Variants in GDAP1 observed in about 807,000 individuals in gnomAD.
GDAP1 encodes ganglioside-induced differentiation-associated protein 1.
A neutral mutation model predicts 40.1 loss-of-function variants in GDAP1; 34 were observed. The ratio of observed to expected loss-of-function variants is 0.85; its 90% CI spans 0.64 to 1.13. The LOEUF (loss-of-function observed/expected upper bound fraction) is 1.13, where lower values mean the gene tolerates loss of function less well. GDAP1 is among the 50% of genes most tolerant of loss of function. The probability of loss-of-function intolerance (pLI) is 0.00; values close to 1 mark genes in which losing one functional copy is unlikely to be tolerated. For missense variants in GDAP1, 374 were observed against 433.7 expected (o/e 0.86, Z 1.22); for synonymous variants, 170 against 157.4 (o/e 1.08, Z -0.60).
intron 2 of GDAP1, among the ~76,000 whole-genome samples, chr8:74,413,089 G>A (rs75241181): frequency 0.024 from 1,122 of 47,594 alleles, no homozygotes; most frequent in Middle Eastern, 0.047. Flanking sequence ...AAAAAAAAAA[G>A]ATTTCTGAAG....
chr8:74,432,174 G>A (rs747213128), intron 2 of GDAP1, among the ~76,000 whole-genome samples: 3 of 152,162 alleles, frequency 2.0e-5, no homozygotes, highest in Non-Finnish European at 4.4e-5. Context: ...TTTGGAGGGT[G>A]CATAACTCAC....
At chr8:74,412,861 A>G (rs1805731333) in intron 2 of GDAP1, among the ~76,000 whole-genome samples, 1 of 148,266 alleles carries the variant, frequency 6.7e-6, no homozygotes, top group African/African-American at 2.6e-5. Context: ...GATTGAGACC[A>G]TACTGGCTAA....
chr8:74,470,655 G>T (rs1037722260), intron 2 of GDAP1, among the ~76,000 whole-genome samples: 1 of 152,160 alleles, frequency 6.6e-6, no homozygotes, highest in African/African-American at 2.4e-5. Context: ...GTCTATCATT[G>T]TTGGACATTT....
intron 2 of GDAP1, among the ~76,000 whole-genome samples, chr8:74,458,052 A>G (rs1043819884): frequency 8.5e-5 from 13 of 152,078 alleles, no homozygotes; most frequent in African/African-American, 3.1e-4. Context: ...AGTTGCTATC[A>G]TTACCCCTAA....
chr8:74,480,480 C>T lies in GDAP1; in HGVS notation c.166-8198C>T, dbSNP rs115629548. On this transcript the variant is annotated intron_variant, in intron 2 of 2. Transcript: ENST00000523640. ...AATATTGGTTGCACAGGCAGAGAAA[C>T]GTTAAGCATCATTTGCTTTTGGCAA... is the stretch of plus-strand genomic sequence containing the variant. Among the ~76,000 whole-genome samples the T allele has an allele frequency of 1.5e-3, 231 of 152,242 alleles. 1 individual carries two copies. Among genetic ancestry groups the T allele is most frequent in the African/African-American group, 5.2e-3 (218 of 41,542 alleles).
At chr8:74,381,049 G>A (rs1280773826) in intron 2 of GDAP1, among the ~76,000 whole-genome samples, 1 of 151,156 alleles carries the variant, frequency 6.6e-6, no homozygotes, top group East Asian at 2.0e-4. Context: ...TACCAAGGGG[G>A]ATGAAGAAAT....
intron 2 of GDAP1, among the ~76,000 whole-genome samples, chr8:74,422,727 A>AT (rs1805894302): frequency 6.6e-6 from 1 of 151,772 alleles, no homozygotes; most frequent in Non-Finnish European, 1.5e-5. Context: ...AAACCCCTTT[A>AT]TTCTTTATTT....
Position 74,484,753 on chromosome 8 carries a change from T to C in GDAP1, c.166-3925T>C, listed in dbSNP as rs546662884. ...TGGTTCTGCTGCATTCTGCTTGTTA[T>C]TTCTGTGAGGCAAATCTTATTTTTC... is the stretch of plus-strand genomic sequence containing the variant. On this transcript the variant is annotated intron_variant, in intron 2 of 2. Transcript: ENST00000523640. 2.6e-5 allele frequency among the ~76,000 whole-genome samples: 4 copies of C among 152,250 alleles called. No homozygotes were observed. In the South Asian group the frequency reaches 8.3e-4, roughly 32 times the overall value.
chr8:74,365,920 A>G lies in GDAP1; in HGVS notation c.*1553A>G, dbSNP rs962915267. On this transcript the variant is annotated 3_prime_UTR_variant, in exon 6 of 6. Transcript: ENST00000220822. Reference sequence around the variant, plus strand: ...TCTGAATCTGTTGCTGGGACATACCAATCCATGTATTCATTAGAGCCATAG... The same window carrying G: ...TCTGAATCTGTTGCTGGGACATACCGATCCATGTATTCATTAGAGCCATAG... 2.0e-5 allele frequency: 9 copies of G among 453,818 alleles called. No homozygotes were observed. Among genetic ancestry groups the G allele is most frequent in the Admixed American group, 1.2e-4 (5 of 42,496 alleles). 28.1% of individuals were successfully genotyped at this position (453,818 alleles called of 1,614,324 possible).
rs1236508750 is a variant in GDAP1, at chr8:74,351,318, T to C, written c.162T>C (p.His54=). 3.1e-6 allele frequency: 5 copies of C among 1,614,072 alleles called. No individual in the cohort carries two copies. Among genetic ancestry groups the C allele is most frequent in the Non-Finnish European group, 4.2e-6 (5 of 1,180,006 alleles). ...AAAAGGCATTGAAGTGCGAGGAACA[T>C]GATGTAAGTCTGCCCTTGAGTGAGC... is the stretch of plus-strand genomic sequence containing the variant. ...IAEKALKCEE[H]DVSLPLSEHN... is the part of the protein sequence containing the mutation. Residue 54 remains histidine (H), a synonymous_variant, in exon 2 of 6, where the codon CAT becomes CAC. Coordinates refer to ENST00000220822, the MANE Select transcript of GDAP1 (RefSeq NM_018972.4).
At chr8:74,435,851 A>C (rs566983050) in intron 2 of GDAP1, among the ~76,000 whole-genome samples, 2 of 152,356 alleles carry the variant, frequency 1.3e-5, no homozygotes, top group South Asian at 4.1e-4. Flanking sequence ...AAATATTTTT[A>C]GACCTTGAGA....
intron 2 of GDAP1, among the ~76,000 whole-genome samples, chr8:74,404,402 A>G (rs1805610377): frequency 6.7e-6 from 1 of 149,594 alleles, no homozygotes; most frequent in Middle Eastern, 3.4e-3. Flanking sequence ...GTGCCGGGCC[A>G]TTTATATGAA....
chr8:74,484,745 G>A (rs7017793), intron 2 of GDAP1, among the ~76,000 whole-genome samples: 46,393 of 151,890 alleles, frequency 0.31, 8,084 homozygotes, highest in Admixed American at 0.41. Context: ...GCTGCATTCT[G>A]CTTGTTATTT....
At chr8:74,368,764 G>T (rs1011086483), downstream of GDAP1, among the ~76,000 whole-genome samples, 14 of 152,078 alleles carry the variant, frequency 9.2e-5, no homozygotes, top group Non-Finnish European at 1.5e-5. Flanking sequence ...TTCAATCTTG[G>T]CCCTATTGAT....
At chr8:74,403,195 C>T (rs1197188421) in intron 2 of GDAP1, among the ~76,000 whole-genome samples, 2 of 149,948 alleles carry the variant, frequency 1.3e-5, no homozygotes, top group African/African-American at 5.1e-5. Flanking sequence ...TTTAGTTTGA[C>T]TACACTGGGT....
rs1188991134 is a variant in GDAP1 at position 74,365,204 on chromosome 8, C to G, written c.*837C>G. 6.6e-6 allele frequency: 3 copies of G among 454,046 alleles called. No homozygotes were observed. Among genetic ancestry groups the G allele is most frequent in the African/African-American group, 6.0e-5 (3 of 50,104 alleles). The allele number at this position is 454,046 out of a possible 1,614,324, so 28.1% of individuals were successfully genotyped here. A position where few individuals can be genotyped will look rare whatever the true frequency, so the allele number is the denominator to read the frequency against. On this transcript the variant is annotated 3_prime_UTR_variant, in exon 6 of 6. Coordinates refer to ENST00000220822, the MANE Select transcript of GDAP1 (RefSeq NM_018972.4). The stretch of plus-strand genomic sequence containing the variant: ...AGTGGGTATTTTGATGATCTGGGAG[C>G]ACCAAATATGTTCATTCTTCGTTTG...
rs886063116 is a variant in GDAP1, at chr8:74,366,290, C to T, written c.*1923C>T. ...TAGGGATACAATGACCACTAGATGT[C>T]GCTGTTTATCCAGTAGACTAAGATT... On this transcript the variant is annotated 3_prime_UTR_variant, in exon 6 of 6. Coordinates refer to ENST00000220822, the MANE Select transcript of GDAP1 (RefSeq NM_018972.4). The T allele has an allele frequency of 2.2e-6, 1 of 454,316 alleles. No individual in the cohort carries two copies. The allele number at this position is 454,316 out of a possible 1,614,324, so 28.1% of individuals were successfully genotyped here. A position where few individuals can be genotyped will look rare whatever the true frequency, so the allele number is the denominator to read the frequency against.
At chr8:74,470,392 C>A (rs368619405) in intron 2 of GDAP1, among the ~76,000 whole-genome samples, 136 of 152,232 alleles carry the variant, frequency 8.9e-4, no homozygotes, top group African/African-American at 3.2e-3. Flanking sequence ...TCCTAATGCT[C>A]TCCCTCCCCT....
chr8:74,360,198 C>T lies in GDAP1; in HGVS notation c.372C>T (p.Tyr124=). 1 of 1,613,452 alleles carries T rather than the reference C, an allele frequency of 6.2e-7. No homozygotes were observed. Among genetic ancestry groups the T allele is most frequent in the Non-Finnish European group, 8.5e-7 (1 of 1,179,374 alleles). ...ESMYYPRVQH[Y]RELLDSLPMD... ...TGTATTACCCACGGGTACAACATTA[C>T]CGAGAGCTGCTTGACTCCTTGCCAA... Residue 124 remains tyrosine (Y), a synonymous_variant, in exon 3 of 6, where the codon TAC becomes TAT. Coordinates refer to ENST00000220822, the MANE Select transcript of GDAP1 (RefSeq NM_018972.4).
Sources: allele counts gnomAD v4.1 joint callset (sites outside exome capture counted in the v4.1 genomes callset), GRCh38; gene constraint gnomAD v4.1.1; transcripts MANE v1.5; gene names NCBI Gene and HGNC (gene_info 2026-07-23, HGNC 2026-07-21).